Variants in SLC25A28 observed in about 807,000 individuals in gnomAD.
The protein encoded by SLC25A28 is solute carrier family 25 member 28, also known as mitoferrin-2.
SLC25A28 carries 10 observed loss-of-function variants against 31.9 expected under a neutral mutation model. That is an observed-to-expected ratio of 0.31 (90% CI 0.19 to 0.53). The LOEUF is 0.53. SLC25A28 is among the 20% of genes least tolerant of loss of function. The pLI, the probability that SLC25A28 is intolerant of heterozygous loss-of-function variation, is 0.95. For synonymous variants in SLC25A28, 208 were observed against 203.6 expected (o/e 1.02, Z -0.19); for missense variants, 256 against 490.3 (o/e 0.52, Z 4.51).
chr10:99,625,542 G>T (rs117950775), upstream of SLC25A28, among the ~76,000 whole-genome samples: 2 of 151,944 alleles, frequency 1.3e-5, no homozygotes, highest in Non-Finnish European at 1.5e-5. Flanking sequence ...ACATTCTCCC[G>T]TCTGTCTTGT....
At chr10:99,612,903 T>C (rs2034563195) in intron 2 of SLC25A28, among the ~76,000 whole-genome samples, 1 of 152,160 alleles carries the variant, frequency 6.6e-6, no homozygotes, top group South Asian at 2.1e-4. Context: ...AGGAAGCAGA[T>C]ACACTGCTGC....
At chr10:99,615,446 A>G (rs2034628055) in intron 1 of SLC25A28, 6 of 985,238 alleles carry the variant, frequency 6.1e-6, no homozygotes, top group Non-Finnish European at 7.2e-6. Context: ...GGAGAAAAGA[A>G]ACTAACCAGA....
In SLC25A28 at chr10:99,610,976, G is replaced by C; in HGVS notation, c.968C>G (p.Ala323Gly). Residue 323 changes from alanine to glycine, a missense_variant, in exon 4 of 4, where the codon GCC becomes GGC. This residue lies in a region of SLC25A28 where 158 missense variants were observed against 379.1 expected (regional missense o/e 0.42). Coordinates refer to ENST00000370495, the MANE Select transcript of SLC25A28 (RefSeq NM_031212.4). ...TCTGGCCTGCACCCCTCGGAAATAG[G>C]CGGTCACCCCACCTACTTGATATAC... ...RTVYQVGGVT[A>G]YFRGVQARVI... 1 of 1,614,214 alleles carries C rather than the reference G, an allele frequency of 6.2e-7. No homozygotes were observed. The highest frequency in any genetic ancestry group is 8.5e-7 in the Non-Finnish European group (1 of 1,180,038).
At chr10:99,623,183 C>A (rs530242664), upstream of SLC25A28, among the ~76,000 whole-genome samples, 4 of 152,210 alleles carry the variant, frequency 2.6e-5, no homozygotes, top group African/African-American at 9.6e-5. Flanking sequence ...GGTACGACAA[C>A]CCTAAGGTGA....
chr10:99,620,057 G>A lies in SLC25A28; in HGVS notation c.279C>T (p.Ile93=), dbSNP rs1214928181. 1.9e-6 allele frequency: 3 copies of A among 1,581,876 alleles called. No individual in the cohort carries two copies. The highest frequency in any genetic ancestry group is 1.7e-5 in the Admixed American group (1 of 59,154). The change falls in exon 1 of 4, where the codon ATC becomes ATT. Residue 93 remains isoleucine (I), a synonymous_variant. Transcript: ENST00000370495. ...GTGCAGGTCTCACCTTGACGCAGTC[G>A]ATGGGGTACATCACGCAGTGCTCCA... ...GILEHCVMYP[I]DCVKTRMQSL...
chr10:99,625,805 CA>C, the SLC25A28 span, among the ~76,000 whole-genome samples: 1 of 152,200 alleles, frequency 6.6e-6, no homozygotes, highest in African/African-American at 2.4e-5. Context: ...CCCTTCTCGT[CA>C]GAACACAGAC....
At chr10:99,643,947 C>T in the SLC25A28 span, among the ~76,000 whole-genome samples, 5 of 152,188 alleles carry the variant, frequency 3.3e-5, no homozygotes, top group African/African-American at 1.2e-4. Context: ...GTTATAATTT[C>T]TGTTCTTTTA....
At chr10:99,630,088 T>C in the SLC25A28 span, among the ~76,000 whole-genome samples, 2 of 152,150 alleles carry the variant, frequency 1.3e-5, no homozygotes, top group South Asian at 4.1e-4. Flanking sequence ...CTTCCTTTCA[T>C]ACCAGTGGCT....
At chr10:99,637,088 C>T in the SLC25A28 span, among the ~76,000 whole-genome samples, 1 of 152,128 alleles carries the variant, frequency 6.6e-6, no homozygotes, top group Non-Finnish European at 1.5e-5. Flanking sequence ...AAAGATAATA[C>T]ACCACGAGCA....
the SLC25A28 span, among the ~76,000 whole-genome samples, chr10:99,631,105 C>T: frequency 6.6e-6 from 1 of 152,090 alleles, no homozygotes. Context: ...TGAAGCATGT[C>T]TGAGTCCTAG....
upstream of SLC25A28, among the ~76,000 whole-genome samples, chr10:99,623,867 GAAAT>G (rs1228606651): frequency 9.2e-5 from 14 of 152,336 alleles, no homozygotes; most frequent in African/African-American, 3.4e-4. Context: ...GCATCAGTGA[GAAAT>G]AAATCTTAGT....
chr10:99,620,913 C>A, upstream of SLC25A28: 1 of 985,154 alleles, frequency 1.0e-6, no homozygotes, highest in Non-Finnish European at 1.2e-6. Context: ...GACAGGCCTT[C>A]AACGTCAAAC....
At chr10:99,633,140 T>A in the SLC25A28 span, among the ~76,000 whole-genome samples, 3 of 147,430 alleles carry the variant, frequency 2.0e-5, no homozygotes, top group Middle Eastern at 3.2e-3. Context: ...CATTTTCATT[T>A]AAAAAAAAAA....
chr10:99,612,341 C>T (rs2034544641), intron 3 of SLC25A28, among the ~76,000 whole-genome samples: 1 of 152,134 alleles, frequency 6.6e-6, no homozygotes, highest in Admixed American at 6.5e-5. Context: ...CTAGGGAAGC[C>T]CCAGGGATTA....
chr10:99,616,416 T>C, intron 1 of SLC25A28: 1 of 945,110 alleles, frequency 1.1e-6, no homozygotes. Flanking sequence ...ATTTATAAGA[T>C]GCTAGAAATA....
At chr10:99,629,376 C>G in the SLC25A28 span, among the ~76,000 whole-genome samples, 2 of 152,164 alleles carry the variant, frequency 1.3e-5, no homozygotes, top group African/African-American at 4.8e-5. Flanking sequence ...AACCTCTTTT[C>G]TTTATAAATT....
Position 99,611,240 on chromosome 10 carries a change from T to C in SLC25A28, c.704A>G (p.Asn235Ser). ...YRSYTTQLTM[N>S]VPFQAIHFMT... ...GAAGTGAATGGCTTGGAAAGGAACGTTCATGGTCAGCTGGGTGGTGTAGCT... is the reference window on the plus strand; with the variant it reads ...GAAGTGAATGGCTTGGAAAGGAACGCTCATGGTCAGCTGGGTGGTGTAGCT... The change falls in exon 4 of 4, where the codon AAC becomes AGC. Residue 235 changes from asparagine to serine, a missense_variant. Physicochemically the swap from Asn to Ser is conservative, Grantham distance 46. This residue lies in a region of SLC25A28 where 158 missense variants were observed against 379.1 expected (regional missense o/e 0.42). Transcript: ENST00000370495. The surrounding 1 kb of genome is among the most constrained non-coding windows in gnomAD (Gnocchi z 5.5). The C allele has an allele frequency of 1.2e-6, 2 of 1,614,150 alleles. No individual in the cohort carries two copies. Among genetic ancestry groups the C allele is most frequent in the Non-Finnish European group, 1.7e-6 (2 of 1,180,030 alleles).
At chr10:99,621,272 C>A (rs1182807800), upstream of SLC25A28, 1 of 152,718 alleles carries the variant, frequency 6.5e-6, no homozygotes, top group Non-Finnish European at 1.5e-5. Context: ...GCAGAGTAAA[C>A]CCAACAAGTG....
chr10:99,621,156 G>T (rs760533157), upstream of SLC25A28: 2 of 212,342 alleles, frequency 9.4e-6, no homozygotes, highest in Non-Finnish European at 1.6e-5. Flanking sequence ...AGGGGGGACC[G>T]CGGCGGCCCG....
Sources: gnomAD v4.1 joint callset for allele counts (sites outside exome capture counted in the v4.1 genomes callset) on GRCh38, gnomAD v4.1.1 for gene constraint, gnomAD v4.1.1 regional missense constraint, Gnocchi (gnomAD v3.1) non-coding constraint, MANE v1.5 for transcripts, NCBI Gene and HGNC (gene_info 2026-07-23, HGNC 2026-07-21) for gene names.